Variants in COL6A2 observed in about 807,000 individuals in gnomAD.
COL6A2 encodes the protein collagen type VI alpha 2 chain.
In COL6A2, 90 loss-of-function variants were observed where a neutral mutation model predicts 124.9. The observed-to-expected ratio is 0.72, with a 90% CI of 0.61 to 0.86. The LOEUF (loss-of-function observed/expected upper bound fraction) is 0.86, where lower values mean the gene tolerates loss of function less well. Among genes scored for constraint, COL6A2 ranks in the 40% least tolerant of loss-of-function variants. The pLI, the probability that COL6A2 is intolerant of heterozygous loss-of-function variation, is 0.00. For missense variants in COL6A2, 1,607 were observed against 1,502.5 expected (o/e 1.07, Z -1.15); for synonymous variants, 793 against 618.2 (o/e 1.28, Z -4.19).
At chr21:46,118,055 A>ACTG (rs2078503787) in intron 12 of COL6A2, 119 bp downstream of exon 12, 1 of 945,996 alleles carries the variant, frequency 1.1e-6, no homozygotes, top group Middle Eastern at 2.2e-4. Context: ...CTGGTCAGTG[A>ACTG]GGAGCCAATG....
At position 46,122,210 on chromosome 21, in the gene COL6A2, A is replaced by G. The variant is rs1387724521; in HGVS notation, c.1572+52A>G. On this transcript the variant is annotated intron_variant, in intron 19 of 27. Transcript: ENST00000300527. Reference sequence around the variant, plus strand: ...CCCAGGAGTGGGTGGACATTGTCCCAAGGGCCCTGAAGATTCCTAGTAGTT... The same window carrying G: ...CCCAGGAGTGGGTGGACATTGTCCCGAGGGCCCTGAAGATTCCTAGTAGTT... 1.9e-6 allele frequency: 3 copies of G among 1,588,332 alleles called. No individual in the cohort carries two copies. In the Admixed American group the frequency reaches 5.1e-5, roughly 27 times the overall value.
chr21:46,122,570 G>A (rs1283611660), intron 20 of COL6A2, 39 bp downstream of exon 20: 2 of 1,610,090 alleles, frequency 1.2e-6, no homozygotes, highest in Admixed American at 1.7e-5. Flanking sequence ...CACCCAGGGT[G>A]GGGGTCTGCA....
intron 27 of COL6A2, among the ~76,000 whole-genome samples, chr21:46,126,803 A>C (rs867822541): frequency 4.6e-5 from 7 of 152,156 alleles, no homozygotes; most frequent in South Asian, 2.1e-4. Flanking sequence ...TGTGCTCGGC[A>C]TGTGGCCACT....
rs964581297 is a variant in COL6A2 at position 46,122,600 on chromosome 21, C to G, written c.1608+69C>G. 10 of 1,536,334 alleles carry G rather than the reference C, an allele frequency of 6.5e-6. No individual in the cohort carries two copies. The East Asian group carries it at 2.2e-4, about 35-fold the overall frequency. ...TCTGCACGCCCAATTGCTGGGAACA[C>G]AATGCCCACCGTCACTGACAGGACC... On this transcript the variant is annotated intron_variant, in intron 20 of 27. Transcript: ENST00000300527.
chr21:46,117,252 C>A, intron 10 of COL6A2, 148 bp from the exon 11 acceptor site: 1 of 765,038 alleles, frequency 1.3e-6, no homozygotes, highest in Non-Finnish European at 2.2e-6. Context: ...AGCTCCACAG[C>A]AGCCGTGGCC....
rs1267560224 is a variant in COL6A2 at position 46,132,377 on chromosome 21, A to G, written c.2885A>G (p.His962Arg). The G allele has an allele frequency of 1.9e-6, 3 of 1,609,104 alleles. No individual in the cohort carries two copies. Among genetic ancestry groups the G allele is most frequent in the Non-Finnish European group, 2.5e-6 (3 of 1,179,316 alleles). ...AACGACAGTCTGCACGAGTCGGCGCACTCCATGCGCAAGCAGAACGTGGTA... is the reference window on the plus strand; with the variant it reads ...AACGACAGTCTGCACGAGTCGGCGCGCTCCATGCGCAAGCAGAACGTGGTA... ...TGNDSLHESA[H>R]SMRKQNVVPT... The change falls in exon 28 of 28, where the codon CAC (histidine) becomes CGC (arginine). Residue 962 changes from histidine (H) to arginine (R), a missense_variant. Coordinates refer to ENST00000300527, the MANE Select transcript of COL6A2 (RefSeq NM_001849.4).
chr21:46,099,718 C>T (rs1165353839), intron 1 of COL6A2, among the ~76,000 whole-genome samples: 1 of 152,088 alleles, frequency 6.6e-6, no homozygotes, highest in Non-Finnish European at 1.5e-5. Flanking sequence ...CCCCGCCCAG[C>T]GGCCCTTCCT....
intron 1 of COL6A2, among the ~76,000 whole-genome samples, chr21:46,101,997 G>A (rs763972661): frequency 1.3e-5 from 2 of 149,824 alleles, no homozygotes; most frequent in Non-Finnish European, 3.0e-5. Flanking sequence ...CAATTTGGGT[G>A]GTATTGACAT....
intron 5 of COL6A2, among the ~76,000 whole-genome samples, chr21:46,114,514 C>A: frequency 6.6e-6 from 1 of 151,712 alleles, no homozygotes; most frequent in Non-Finnish European, 1.5e-5. Context: ...GAAACTAAAA[C>A]TCTATATGTC....
intron 4 of COL6A2, chr21:46,113,779 C>T (rs556722647): frequency 8.2e-6 from 5 of 606,334 alleles, no homozygotes; most frequent in African/African-American, 5.5e-5. Context: ...TTTAAACTTG[C>T]CTAGAACACC....
chr21:46,108,114 T>C (rs1230334685), intron 1 of COL6A2, among the ~76,000 whole-genome samples: 2 of 151,704 alleles, frequency 1.3e-5, no homozygotes, highest in Admixed American at 1.3e-4. Context: ...ATATTTTTTT[T>C]TCTCTTTTTT....
intron 21 of COL6A2, 105 bp from the exon 22 acceptor site, chr21:46,124,546 C>T (rs772728908): frequency 7.2e-5 from 73 of 1,007,720 alleles, no homozygotes; most frequent in South Asian, 8.1e-5. Flanking sequence ...AGCCCCCCCC[C>T]CCGCCAAGGG....
At chr21:46,127,394 C>T (rs979226260) in intron 27 of COL6A2, among the ~76,000 whole-genome samples, 12 of 152,234 alleles carry the variant, frequency 7.9e-5, no homozygotes, top group Admixed American at 5.9e-4. Flanking sequence ...CATTCACAGG[C>T]CCTGAGGCTG....
At chr21:46,108,082 TTCTC>T (rs1413943329) in intron 1 of COL6A2, among the ~76,000 whole-genome samples, 11 of 151,586 alleles carry the variant, frequency 7.3e-5, no homozygotes, top group East Asian at 3.9e-4. Flanking sequence ...CTTTCTCTCT[TTCTC>T]TCTGTCTATA....
Position 46,116,911 on chromosome 21 carries a change from A to G in COL6A2, c.999+97A>G. On this transcript the variant is annotated intron_variant, in intron 10 of 27. Transcript: ENST00000300527. This position sits in a 1 kb window ranked among gnomAD's most constrained non-coding sequence, Gnocchi z 4.6. ...TCCAGCCTGATCTGTCAGCTTACAC[A>G]TGTGTACACACGCATACACACACAC... 1 of 1,127,902 alleles carries G rather than the reference A, an allele frequency of 8.9e-7. No homozygotes were observed. Among genetic ancestry groups the G allele is most frequent in the Non-Finnish European group, 1.3e-6 (1 of 758,626 alleles). 69.9% of individuals were successfully genotyped at this position (1,127,902 alleles called of 1,614,324 possible). A position where few individuals can be genotyped will look rare whatever the true frequency, so the allele number is the denominator to read the frequency against.
chr21:46,099,360 G>A (rs73382426), intron 1 of COL6A2, among the ~76,000 whole-genome samples: 1 of 151,030 alleles, frequency 6.6e-6, no homozygotes, highest in African/African-American at 2.4e-5. Context: ...GGAGGCTGAG[G>A]CAGGAGAAAA....
At chr21:46,114,241 A>G (rs1048629793) in intron 5 of COL6A2, among the ~76,000 whole-genome samples, 168 bp downstream of exon 5, 4 of 152,062 alleles carry the variant, frequency 2.6e-5, no homozygotes, top group Non-Finnish European at 5.9e-5. Flanking sequence ...CCTGGCTAAC[A>G]TGGTGAAACC....
intron 20 of COL6A2, 40 bp from the exon 21 acceptor site, chr21:46,122,835 A>G (rs1406693598): frequency 1.9e-6 from 3 of 1,593,400 alleles, no homozygotes; most frequent in African/African-American, 2.7e-5. Context: ...TGGTAGAGAC[A>G]GCTCCTCTGT....
At chr21:46,118,729 T>C (rs2078515167) in intron 13 of COL6A2, 53 bp downstream of exon 13, 4 of 1,563,630 alleles carry the variant, frequency 2.6e-6, no homozygotes, top group African/African-American at 1.3e-5. Flanking sequence ...CTCACGCCCA[T>C]GGCCCAGATG....
Sources: allele counts gnomAD v4.1 joint callset (sites outside exome capture counted in the v4.1 genomes callset), GRCh38; gene constraint gnomAD v4.1.1; non-coding constraint Gnocchi (gnomAD v3.1); transcripts MANE v1.5; gene names NCBI Gene and HGNC (gene_info 2026-07-23, HGNC 2026-07-21).